PLXNA2: variants seen among roughly 807,000 people sequenced by gnomAD.
The protein encoded by PLXNA2 is plexin-A2.
In PLXNA2, 91 loss-of-function variants were observed where a neutral mutation model predicts 193.5. The ratio of observed to expected loss-of-function variants is 0.47; its 90% confidence interval spans 0.40 to 0.56. The LOEUF is 0.56. PLXNA2 is among the 20% of genes least tolerant of loss of function. PLXNA2 has a pLI of 0.00. For synonymous variants in PLXNA2, 997 were observed against 1,027.3 expected (o/e 0.97, Z 0.56); for missense variants, 1,995 against 2,503.2 (o/e 0.80, Z 4.33).
chr1:208,132,452 G>C (rs6688315), intron 4 of PLXNA2, among the ~76,000 whole-genome samples: 77,001 of 151,998 alleles, frequency 0.51, 19,992 homozygotes, highest in Non-Finnish European at 0.54. Flanking sequence ...TGGACAGCTT[G>C]GTGGCCCTGG....
Position 208,039,646 on chromosome 1 carries a change from C to A in PLXNA2, c.4475G>T (p.Arg1492Leu). The A allele has an allele frequency of 6.2e-7, 1 of 1,614,138 alleles. No homozygotes were observed. The change falls in exon 24 of 32, where the codon CGG (arginine) becomes CTG (leucine). Residue 1492 changes from arginine to leucine, a missense_variant. Arg to Leu is a moderately radical substitution (Grantham distance 102). Transcript: ENST00000367033. ...RYSLSEDKLIRQQIEYKTLIL... is the reference protein window; with the variant it reads ...RYSLSEDKLILQQIEYKTLIL... ...CAGGGTCTTGTACTCGATCTGCTGC[C>A]GGATGAGCTTGTCCTCGCTCAGGGA...
chr1:208,192,904 G>GAAA (rs928464634), intron 3 of PLXNA2, among the ~76,000 whole-genome samples: 19 of 23,316 alleles, frequency 8.1e-4, no homozygotes, highest in Admixed American at 1.5e-3. Context: ...AAAAGAAAAA[G>GAAA]AAAAAAAAAA....
In PLXNA2 at chr1:208,038,505, G is replaced by T. The variant is rs148452011; in HGVS notation, c.4661-31C>A. 1 of 1,535,494 alleles carries T rather than the reference G, an allele frequency of 6.5e-7. No homozygotes were observed. The highest frequency in any genetic ancestry group is 9.0e-7 in the Non-Finnish European group (1 of 1,108,278). ...TGGAGGGGGTGGTGCAGGGAGCGGC[G>T]TGAGAGGGATGAGGGCTGTGAGCCA... On this transcript the variant is annotated intron_variant, in intron 25 of 31. Coordinates refer to ENST00000367033, the MANE Select transcript of PLXNA2 (RefSeq NM_025179.4). This position sits in a 1 kb window ranked among gnomAD's most constrained non-coding sequence, Gnocchi z 4.1.
rs150838470 is a variant in PLXNA2 at position 208,202,129 on chromosome 1, G to A, written c.1371+8151C>T. Reference sequence around the variant, plus strand: ...GAGTAGCTGGGATTACAGGCACAATGCCGCCATGCCCGGCTAATTTTTGTA... The same window carrying A: ...GAGTAGCTGGGATTACAGGCACAATACCGCCATGCCCGGCTAATTTTTGTA... On this transcript the variant is annotated intron_variant, in intron 3 of 31. Transcript: ENST00000367033. 1.8e-3 allele frequency among the ~76,000 whole-genome samples: 275 copies of A among 151,990 alleles called. 1 individual carries two copies. Among genetic ancestry groups the A allele is most frequent in the African/African-American group, 6.5e-3 (270 of 41,450 alleles).
chr1:208,199,518 C>T (rs1331918645), intron 3 of PLXNA2, among the ~76,000 whole-genome samples: 6 of 152,020 alleles, frequency 3.9e-5, no homozygotes, highest in Admixed American at 1.3e-4. Context: ...TGTTGAAACC[C>T]CGTCTCTACT....
At chr1:208,039,914 T>C in intron 23 of PLXNA2, 78 bp downstream of exon 23, 1 of 1,582,230 alleles carries the variant, frequency 6.3e-7, no homozygotes, top group Non-Finnish European at 8.7e-7. Flanking sequence ...GGGGTCCCCA[T>C]GCAGCCCTGT....
At chr1:208,235,604 G>A (rs1671826904) in intron 1 of PLXNA2, among the ~76,000 whole-genome samples, 1 of 152,212 alleles carries the variant, frequency 6.6e-6, no homozygotes, top group African/African-American at 2.4e-5. Flanking sequence ...AACAAACGGA[G>A]GGTGAGCACC....
intron 3 of PLXNA2, among the ~76,000 whole-genome samples, chr1:208,196,341 C>CA (rs1162050661): frequency 1.3e-5 from 2 of 151,512 alleles, no homozygotes; most frequent in African/African-American, 2.4e-5. Context: ...TGTTAAAAAA[C>CA]AAAAAACAAA....
At chr1:208,048,696 C>T (rs1430779595) in intron 17 of PLXNA2, among the ~76,000 whole-genome samples, 2 of 152,196 alleles carry the variant, frequency 1.3e-5, no homozygotes, top group African/African-American at 4.8e-5. Context: ...AGGGGCTTCC[C>T]AGCCCAGGCT....
chr1:208,049,221 A>C (rs1487770113), intron 17 of PLXNA2, among the ~76,000 whole-genome samples: 1 of 152,030 alleles, frequency 6.6e-6, no homozygotes, highest in Non-Finnish European at 1.5e-5. Flanking sequence ...GATTTGATCT[A>C]TGAGTAGAAC....
At chr1:208,128,980 C>A (rs1416048186) in intron 4 of PLXNA2, among the ~76,000 whole-genome samples, 1 of 152,208 alleles carries the variant, frequency 6.6e-6, no homozygotes, top group Admixed American at 6.5e-5. Context: ...CAGGCGTGAG[C>A]CACTGCGCCC....
intron 3 of PLXNA2, among the ~76,000 whole-genome samples, chr1:208,161,268 T>C (rs1669097376): frequency 6.6e-6 from 1 of 152,210 alleles, no homozygotes; most frequent in African/African-American, 2.4e-5. Context: ...ACAGAAGCCT[T>C]TTCTACCCTC....
intron 3 of PLXNA2, among the ~76,000 whole-genome samples, chr1:208,143,922 G>T (rs932709264): frequency 6.6e-6 from 1 of 152,144 alleles, no homozygotes; most frequent in Non-Finnish European, 1.5e-5. Flanking sequence ...ACTAGCATGC[G>T]ACTGGGAACA....
rs929761069 is a variant in PLXNA2, at chr1:208,025,879, G to C, written c.*1364C>G. Reference sequence around the variant, plus strand: ...CACAAGTCCGTGAGAGGCAGAAAGAGAGGCAGAAGGTAGTAACGTGGGCAT... The same window carrying C: ...CACAAGTCCGTGAGAGGCAGAAAGACAGGCAGAAGGTAGTAACGTGGGCAT... On this transcript the variant is annotated 3_prime_UTR_variant, in exon 32 of 32. Transcript: ENST00000367033. The C allele has an allele frequency of 6.6e-6, 1 of 152,630 alleles. No homozygotes were observed. The highest frequency in any genetic ancestry group is 1.5e-5 in the Non-Finnish European group (1 of 68,058). The allele number at this position is 152,630 out of a possible 1,614,324, so 9.5% of individuals were successfully genotyped here.
intron 1 of PLXNA2, among the ~76,000 whole-genome samples, chr1:208,233,095 G>A (rs566665970): frequency 5.9e-5 from 9 of 152,044 alleles, no homozygotes; most frequent in Non-Finnish European, 1.2e-4. Flanking sequence ...GCCTTTTCCA[G>A]GCTGGGATAG....
At chr1:208,048,797 G>T (rs1039705131) in intron 17 of PLXNA2, among the ~76,000 whole-genome samples, 1 of 152,194 alleles carries the variant, frequency 6.6e-6, no homozygotes, top group Non-Finnish European at 1.5e-5. Flanking sequence ...TATTAATTAC[G>T]TCTTTTATTT....
At chr1:208,114,829 T>C (rs1253635482) in intron 4 of PLXNA2, among the ~76,000 whole-genome samples, 1 of 152,022 alleles carries the variant, frequency 6.6e-6, no homozygotes, top group African/African-American at 2.4e-5. Flanking sequence ...TGAGTGTGTG[T>C]GTATGTGTGT....
At chr1:208,209,424 G>C (rs981645425) in intron 3 of PLXNA2, among the ~76,000 whole-genome samples, 1 of 152,232 alleles carries the variant, frequency 6.6e-6, no homozygotes, top group African/African-American at 2.4e-5. Context: ...TGATCCACAG[G>C]TGCTGGGACC....
intron 4 of PLXNA2, among the ~76,000 whole-genome samples, chr1:208,130,397 CAT>C (rs1668110102): frequency 6.6e-6 from 1 of 152,198 alleles, no homozygotes; most frequent in Admixed American, 6.5e-5. Flanking sequence ...CTAACACTAA[CAT>C]AGTGTAGACA....
Sources: gnomAD v4.1 joint callset for allele counts (sites outside exome capture counted in the v4.1 genomes callset) on GRCh38, gnomAD v4.1.1 for gene constraint, Gnocchi (gnomAD v3.1) non-coding constraint, MANE v1.5 for transcripts, NCBI Gene and HGNC (gene_info 2026-07-23, HGNC 2026-07-21) for gene names.